The following RYR1 variants were observed in gnomAD, a reference collection of about 807,000 sequenced individuals.
RYR1 encodes ryanodine receptor 1.
RYR1 carries 342 observed loss-of-function variants against 583.5 expected under a neutral mutation model. The observed-to-expected ratio is 0.59, with a 90% CI of 0.54 to 0.64. The LOEUF is 0.64. Ranked by LOEUF, RYR1 falls within the 30% of genes least tolerant of loss-of-function variation. The probability of loss-of-function intolerance (pLI) is 0.00; values close to 1 mark genes in which losing one functional copy is unlikely to be tolerated. For missense variants in RYR1, 6,032 were observed against 6,917.2 expected (o/e 0.87, Z 4.54); for synonymous variants, 2,791 against 2,822.5 (o/e 0.99, Z 0.35).
chr19:38,465,596 C>A (rs964587003), intron 23 of RYR1, among the ~76,000 whole-genome samples: 4 of 152,104 alleles, frequency 2.6e-5, no homozygotes, highest in Non-Finnish European at 4.4e-5. Flanking sequence ...GAAACCCACC[C>A]TCTACCAAAA....
At chr19:38,568,664 A>G (rs1028732125) in intron 93 of RYR1, among the ~76,000 whole-genome samples, 21 of 149,346 alleles carry the variant, frequency 1.4e-4, no homozygotes, top group Non-Finnish European at 7.4e-5. Flanking sequence ...AGGCATGAGA[A>G]TCGCTTGAAC....
rs756003242 is a variant in RYR1, at chr19:38,566,905, C to G, written c.13438-6C>G. ...GACTCAGCCCTGATGCTTGCCCTGT[C>G]CCTAGGTGGATGGAGTGGAGGAGGA... On this transcript the variant is annotated splice_polypyrimidine_tract_variant and splice_region_variant and intron_variant, in intron 91 of 105. Coordinates refer to ENST00000359596, the MANE Select transcript of RYR1 (RefSeq NM_000540.3). 3.1e-6 allele frequency: 5 copies of G among 1,603,168 alleles called. No individual in the cohort carries two copies. Among genetic ancestry groups the G allele is most frequent in the East Asian group, 4.5e-5 (2 of 44,478 alleles).
chr19:38,493,692 G>GT (rs1969665362), intron 38 of RYR1, among the ~76,000 whole-genome samples: 2 of 151,864 alleles, frequency 1.3e-5, no homozygotes, highest in Non-Finnish European at 2.9e-5. Context: ...GCTAATTTTT[G>GT]TATTTTTAGT....
intron 66 of RYR1, among the ~76,000 whole-genome samples, chr19:38,518,168 G>A (rs1971059031): frequency 6.6e-6 from 1 of 151,784 alleles, no homozygotes; most frequent in Non-Finnish European, 1.5e-5. Context: ...GATGGAGTGA[G>A]AGAGGGAGGG....
Position 38,561,596 on chromosome 19 carries a change from T to C in RYR1, c.12624+142T>C, listed in dbSNP as rs990683589. ...TCCGGCAAGCCCACGCCCACCCTTT[T>C]GTACACATTTCGTCCAGCTGCGCCC... On this transcript the variant is annotated intron_variant, in intron 90 of 105. Coordinates refer to ENST00000359596, the MANE Select transcript of RYR1 (RefSeq NM_000540.3). This position sits in a 1 kb window ranked among gnomAD's most constrained non-coding sequence, Gnocchi z 4.8. The C allele has an allele frequency of 2.4e-6, 2 of 827,496 alleles. No individual in the cohort carries two copies. Among genetic ancestry groups the C allele is most frequent in the Admixed American group, 2.6e-5 (1 of 38,482 alleles). 51.3% of individuals were successfully genotyped at this position (827,496 alleles called of 1,614,324 possible).
chr19:38,502,724 G>A lies in RYR1; in HGVS notation c.7832G>A (p.Cys2611Tyr), dbSNP rs759499776. 2 of 1,588,156 alleles carry A rather than the reference G, an allele frequency of 1.3e-6. No homozygotes were observed. Among genetic ancestry groups the A allele is most frequent in the South Asian group, 1.1e-5 (1 of 90,520 alleles). Reference sequence around the variant, plus strand: ...ATCGAGGACTGCCTCATGTCGCTCTGCAGGTGGAGCGGGGCAGGCTTCAGG... The same window carrying A: ...ATCGAGGACTGCCTCATGTCGCTCTACAGGTGGAGCGGGGCAGGCTTCAGG... ...DVIEDCLMSLCRYIRPSMLQH... is the reference protein window; with the variant it reads ...DVIEDCLMSLYRYIRPSMLQH... Residue 2611 changes from cysteine (C) to tyrosine (Y), a missense_variant, in exon 48 of 106, where the codon TGC (cysteine) becomes TAC (tyrosine). By Grantham distance (194) the Cys-to-Tyr change is radical. This residue lies in a region of RYR1 where 250 missense variants were observed against 162.3 expected (regional missense o/e 1.54). Coordinates refer to ENST00000359596, the MANE Select transcript of RYR1 (RefSeq NM_000540.3).
In RYR1 at chr19:38,555,446, CAAAAA is replaced by C. The variant is rs56911809; in HGVS notation, c.12283-5652_12283-5648del. On this transcript the variant is annotated intron_variant, in intron 89 of 105. Transcript: ENST00000359596. ...TGAGCAACAGAGTGAGACCCTGCCT[CAAAAA>C]AAAAAAAAAAAAAATGCATGTGTGT... Among the ~76,000 whole-genome samples, 4 of 83,502 alleles carry C rather than the reference CAAAAA, an allele frequency of 4.8e-5. No individual in the cohort carries two copies. In the Admixed American group the frequency reaches 5.4e-4, roughly 11 times the overall value. 54.8% of individuals were successfully genotyped at this position (83,502 alleles called of 152,430 possible).
chr19:38,553,982 G>A (rs1972774392), intron 89 of RYR1, among the ~76,000 whole-genome samples: 1 of 152,160 alleles, frequency 6.6e-6, no homozygotes, highest in African/African-American at 2.4e-5. Flanking sequence ...GATGGACACT[G>A]GCTTTATTCC....
At chr19:38,522,923 C>A in intron 67 of RYR1, 105 bp from the exon 68 acceptor site, 1 of 923,144 alleles carries the variant, frequency 1.1e-6, no homozygotes, top group Non-Finnish European at 1.7e-6. Context: ...ATCCCTCTGA[C>A]TGGATGTCTC....
rs1397313223 is a variant in RYR1, at chr19:38,534,807, A to T, written c.11347A>T (p.Ser3783Cys). 1.2e-6 allele frequency: 2 copies of T among 1,612,508 alleles called. No homozygotes were observed. The highest frequency in any genetic ancestry group is 1.1e-5 in the South Asian group (1 of 90,546). The change falls in exon 79 of 106, where the codon AGT becomes TGT. Residue 3783 changes from serine (S) to cysteine (C), a missense_variant. Transcript: ENST00000359596. ...GGCCGAGATGGTGCTGCAGATGATCAGTGCCTGCAAAGGTGCCCCTCACAT... is the reference window on the plus strand; with the variant it reads ...GGCCGAGATGGTGCTGCAGATGATCTGTGCCTGCAAAGGTGCCCCTCACAT... ...GAAEMVLQMI[S>C]ACKGETGAMV... is the part of the protein sequence containing the mutation.
At chr19:38,534,119 C>A (rs749310459) in intron 78 of RYR1, among the ~76,000 whole-genome samples, 10 of 150,116 alleles carry the variant, frequency 6.7e-5, no homozygotes. Flanking sequence ...TCAAGCAATT[C>A]TCCTGCCTCA....
chr19:38,473,694 G>A lies in RYR1; in HGVS notation c.4083G>A (p.Pro1361=), dbSNP rs764202932. Residue 1361 remains proline, a synonymous_variant, in exon 28 of 106, where the codon CCG becomes CCA. Transcript: ENST00000359596. ...AGGAGGGCGCCCCCGGGGGCACCCC[G>A]CAGGCGGGGGGAGAGGCGCAGCCCG... The part of the protein sequence containing the change: ...TAKEGAPGGT[P]QAGGEAQPAR... The A allele has an allele frequency of 3.9e-6, 6 of 1,549,598 alleles. No individual in the cohort carries two copies. The highest frequency in any genetic ancestry group is 2.4e-5 in the East Asian group (1 of 40,962).
intron 3 of RYR1, among the ~76,000 whole-genome samples, 194 bp from the exon 4 acceptor site, chr19:38,443,364 T>C (rs971842424): frequency 6.6e-6 from 1 of 152,196 alleles, no homozygotes; most frequent in Admixed American, 6.5e-5. Flanking sequence ...CTCAGAGATA[T>C]AGTCCCTGCT....
intron 58 of RYR1, among the ~76,000 whole-genome samples, chr19:38,509,657 C>T (rs1200907626): frequency 6.6e-6 from 1 of 151,894 alleles, no homozygotes; most frequent in African/African-American, 2.4e-5. Flanking sequence ...TGGGGTTTCA[C>T]CATGTTGGCC....
intron 47 of RYR1, among the ~76,000 whole-genome samples, chr19:38,501,425 G>A (rs1970114010): frequency 6.6e-6 from 1 of 152,212 alleles, no homozygotes; most frequent in Non-Finnish European, 1.5e-5. Context: ...TTGAACCGGG[G>A]AGGCGGAGGT....
rs34390345 is a variant in RYR1 at position 38,499,177 on chromosome 19, A to G, written c.6961A>G (p.Ile2321Val). Residue 2321 changes from isoleucine to valine, a missense_variant, in exon 43 of 106, where the codon ATT (isoleucine) becomes GTT (valine). Physicochemically the swap from Ile to Val is conservative, Grantham distance 29 (BLOSUM62 3). This residue lies in a region of RYR1 where 2,627 missense variants were observed against 2,961.3 expected (regional missense o/e 0.89). Transcript: ENST00000359596. The surrounding 1 kb of genome is among the most constrained non-coding windows in gnomAD (Gnocchi z 7.3). ...PMLVAKGYPDIGWNPCGGERY... is the reference protein window; with the variant it reads ...PMLVAKGYPDVGWNPCGGERY... The stretch of plus-strand genomic sequence containing the variant: ...GCTTGTGGCCAAAGGGTACCCAGAC[A>G]TTGGCTGGAACCCCTGTGGTGGAGA... 1,890 of 1,614,188 alleles carry G rather than the reference A, an allele frequency of 1.2e-3. No individual in the cohort carries two copies. Among genetic ancestry groups the G allele is most frequent in the Non-Finnish European group, 1.5e-3 (1,791 of 1,180,036 alleles).
At chr19:38,442,605 C>T (rs1223068466) in intron 3 of RYR1, 152 bp downstream of exon 3, 2 of 648,154 alleles carry the variant, frequency 3.1e-6, no homozygotes, top group East Asian at 2.7e-5. Context: ...CCCCACAGGC[C>T]CTCAATTTGG....
chr19:38,491,481 T>G (rs918644918), intron 37 of RYR1, among the ~76,000 whole-genome samples: 1 of 149,272 alleles, frequency 6.7e-6, no homozygotes, highest in Non-Finnish European at 1.5e-5. Flanking sequence ...CCAGCAGGAG[T>G]GCAGGGGCAC....
intron 57 of RYR1, 49 bp downstream of exon 57, chr19:38,507,001 G>A (rs757988828): frequency 1.2e-6 from 2 of 1,611,292 alleles, no homozygotes; most frequent in Non-Finnish European, 1.7e-6. Context: ...GAACACACCC[G>A]GCAAAGGCTG....
Sources: gnomAD v4.1 joint callset for allele counts (sites outside exome capture counted in the v4.1 genomes callset) on GRCh38, gnomAD v4.1.1 for gene constraint, gnomAD v4.1.1 regional missense constraint, Gnocchi (gnomAD v3.1) non-coding constraint, MANE v1.5 for transcripts, NCBI Gene and HGNC (gene_info 2026-07-23, HGNC 2026-07-21) for gene names.